The following FXN variants were observed in gnomAD, a reference collection of about 807,000 sequenced individuals.
FXN encodes frataxin, mitochondrial.
FXN carries 14 observed loss-of-function variants against 22.4 expected under a neutral mutation model. That is an observed-to-expected ratio of 0.62 (90% CI 0.41 to 0.98). The LOEUF (loss-of-function observed/expected upper bound fraction) is 0.98. FXN is among the 50% of genes least tolerant of loss of function. FXN has a pLI of 0.00. For missense variants in FXN, 267 were observed against 268.4 expected (o/e 0.99, Z 0.04); for synonymous variants, 120 against 114.1 (o/e 1.05, Z -0.33).
chr9:69,060,979 TG>T (rs1329773081), intron 3 of FXN, among the ~76,000 whole-genome samples: 1 of 152,032 alleles, frequency 6.6e-6, no homozygotes, highest in Non-Finnish European at 1.5e-5. Flanking sequence ...CACGAGGCAA[TG>T]GGACCCACAG....
chr9:69,072,986 G>T lies in FXN; in HGVS notation c.*224G>T. 1 of 1,429,986 alleles carries T rather than the reference G, an allele frequency of 7.0e-7. No individual in the cohort carries two copies. Among genetic ancestry groups the T allele is most frequent in the Non-Finnish European group, 9.1e-7 (1 of 1,099,578 alleles). The allele number at this position is 1,429,986 out of a possible 1,614,324, so 88.6% of individuals were successfully genotyped here. ...TCTATGGAAGATTTTTTGGATTGTC[G>T]GATTTCCTCCCTCACATGATACCCC... On this transcript the variant is annotated 3_prime_UTR_variant, in exon 5 of 5. Transcript: ENST00000484259.
Position 69,072,714 on chromosome 9 carries a change from A to T in FXN, c.585A>T (p.Lys195Asn). 6.2e-7 allele frequency: 1 copy of T among 1,614,166 alleles called. No homozygotes were observed. Among genetic ancestry groups the T allele is most frequent in the Non-Finnish European group, 8.5e-7 (1 of 1,180,020 alleles). Residue 195 changes from lysine (K) to asparagine (N), a missense_variant, in exon 5 of 5, where the codon AAA becomes AAT. Lys to Asn is a moderately conservative substitution (Grantham distance 94, BLOSUM62 0). Coordinates refer to ENST00000484259, the MANE Select transcript of FXN (RefSeq NM_000144.5). ...LLAAELTKAL[K>N]TKLDLSSLAY... ...CCGCAGAGCTCACTAAAGCCTTAAAAACCAAACTGGACTTGTCTTCCTTGG... is the reference window on the plus strand; with the variant it reads ...CCGCAGAGCTCACTAAAGCCTTAAATACCAAACTGGACTTGTCTTCCTTGG...
At chr9:69,057,371 G>C (rs1337740903) in intron 3 of FXN, among the ~76,000 whole-genome samples, 3 of 152,156 alleles carry the variant, frequency 2.0e-5, no homozygotes, top group Non-Finnish European at 4.4e-5. Context: ...CCCTGAGATT[G>C]TCTCTCTGAA....
intron 4 of FXN, 128 bp downstream of exon 4, chr9:69,065,163 G>C (rs1235211478): frequency 1.4e-6 from 1 of 732,562 alleles, no homozygotes; most frequent in African/African-American, 1.7e-5. Context: ...CACTTTGAGA[G>C]GCTGAGGTAG....
At chr9:69,058,801 C>A (rs375095858) in intron 3 of FXN, among the ~76,000 whole-genome samples, 2 of 152,020 alleles carry the variant, frequency 1.3e-5, no homozygotes, top group African/African-American at 2.4e-5. Context: ...TGGTGCGGTG[C>A]CTCACGCCTG....
chr9:69,068,939 G>A (rs1832222301), intron 4 of FXN, among the ~76,000 whole-genome samples: 1 of 152,228 alleles, frequency 6.6e-6, no homozygotes, highest in Non-Finnish European at 1.5e-5. Context: ...AGTGCGTCCT[G>A]CATGCTTCAC....
chr9:69,053,504 G>A (rs924251879), intron 3 of FXN, among the ~76,000 whole-genome samples: 1 of 150,736 alleles, frequency 6.6e-6, no homozygotes, highest in Non-Finnish European at 1.5e-5. Flanking sequence ...TGGATGGATG[G>A]ATGGATAGAT....
intron 4 of FXN, among the ~76,000 whole-genome samples, chr9:69,065,806 C>T (rs188329483): frequency 8.5e-4 from 130 of 152,208 alleles, no homozygotes; most frequent in African/African-American, 3.0e-3. Flanking sequence ...GACCTTGTAG[C>T]GTTTGAACAA....
In FXN at chr9:69,076,473, C is replaced by G; in HGVS notation, c.*3711C>G. 1.0e-6 allele frequency: 1 copy of G among 985,388 alleles called. No homozygotes were observed. The highest frequency in any genetic ancestry group is 1.2e-6 in the Non-Finnish European group (1 of 829,896). 61.0% of individuals were successfully genotyped at this position (985,388 alleles called of 1,614,324 possible). On this transcript the variant is annotated 3_prime_UTR_variant, in exon 5 of 5. Transcript: ENST00000484259. ...ATTCTGATTCCCTGGAACCATTTAT[C>G]GTGTGCCTTACCATGCTTATATTTT... is the stretch of plus-strand genomic sequence containing the variant.
At chr9:69,045,081 T>G (rs1196459911) in intron 1 of FXN, among the ~76,000 whole-genome samples, 1 of 152,080 alleles carries the variant, frequency 6.6e-6, no homozygotes, top group African/African-American at 2.4e-5. Context: ...GTGATGGAAA[T>G]GCTGTGTCTG....
chr9:69,037,029 T>G (rs1181539053), intron 1 of FXN, among the ~76,000 whole-genome samples: 1 of 152,140 alleles, frequency 6.6e-6, no homozygotes, highest in Non-Finnish European at 1.5e-5. Context: ...CTCCGGAGTT[T>G]GTACTTTAGG....
At chr9:69,062,852 A>G (rs1450292042) in intron 3 of FXN, among the ~76,000 whole-genome samples, 4 of 151,730 alleles carry the variant, frequency 2.6e-5, no homozygotes, top group Admixed American at 6.6e-5. Flanking sequence ...CATGGTTAAT[A>G]TGGTAAATTT....
chr9:69,049,458 G>A (rs144062674), intron 2 of FXN, among the ~76,000 whole-genome samples: 105 of 152,194 alleles, frequency 6.9e-4, no homozygotes, highest in African/African-American at 2.3e-3. Context: ...GGGGAAGAGG[G>A]TCATATGGCA....
intron 3 of FXN, among the ~76,000 whole-genome samples, chr9:69,062,094 A>C (rs1315961272): frequency 6.6e-6 from 1 of 152,192 alleles, no homozygotes; most frequent in East Asian, 1.9e-4. Context: ...AAACTCCTGA[A>C]TTATACAGTT....
intron 4 of FXN, among the ~76,000 whole-genome samples, chr9:69,067,721 A>G (rs950106439): frequency 6.6e-6 from 1 of 152,190 alleles, no homozygotes; most frequent in Non-Finnish European, 1.5e-5. Context: ...CTGGCAAGAT[A>G]CCACCCTCAT....
chr9:69,064,962 G>C lies in FXN; in HGVS notation c.409G>C (p.Gly137Arg). 6.2e-7 allele frequency: 1 copy of C among 1,613,728 alleles called. No individual in the cohort carries two copies. Among genetic ancestry groups the C allele is most frequent in the Non-Finnish European group, 8.5e-7 (1 of 1,179,722 alleles). ...GAGTGGTGTCTTAACTGTCAAACTGGGTGGAGATCTAGGAACCTATGTGAT... is the reference window on the plus strand; with the variant it reads ...GAGTGGTGTCTTAACTGTCAAACTGCGTGGAGATCTAGGAACCTATGTGAT... Reference protein sequence around the residue: ...FGSGVLTVKLGGDLGTYVINK... With the variant: ...FGSGVLTVKLRGDLGTYVINK... Residue 137 changes from glycine (G) to arginine (R), a missense_variant, in exon 4 of 5, where the codon GGT becomes CGT. Physicochemically the swap from Gly to Arg is moderately radical, Grantham distance 125. Coordinates refer to ENST00000484259, the MANE Select transcript of FXN (RefSeq NM_000144.5).
chr9:69,074,674 A>C lies in FXN; in HGVS notation c.*1912A>C. On this transcript the variant is annotated 3_prime_UTR_variant, in exon 5 of 5. Coordinates refer to ENST00000484259, the MANE Select transcript of FXN (RefSeq NM_000144.5). Reference sequence around the variant, plus strand: ...CAGCTGCACAGGAGGCTGAGACAGGAGGATTGCTTGAAGCCAGGAATTGGA... The same window carrying C: ...CAGCTGCACAGGAGGCTGAGACAGGCGGATTGCTTGAAGCCAGGAATTGGA... The C allele has an allele frequency of 1.0e-6, 1 of 981,234 alleles. No individual in the cohort carries two copies. The highest frequency in any genetic ancestry group is 1.2e-6 in the Non-Finnish European group (1 of 826,146). The allele number at this position is 981,234 out of a possible 1,614,324, so 60.8% of individuals were successfully genotyped here.
intron 1 of FXN, among the ~76,000 whole-genome samples, chr9:69,044,593 T>A (rs1473770257): frequency 6.6e-6 from 1 of 152,182 alleles, no homozygotes; most frequent in Non-Finnish European, 1.5e-5. Context: ...CACCAATCTC[T>A]TAAAGCCCTT....
chr9:69,078,754 T>TG lies in FXN; in HGVS notation c.*5998dup. On this transcript the variant is annotated 3_prime_UTR_variant, in exon 5 of 5. Coordinates refer to ENST00000484259, the MANE Select transcript of FXN (RefSeq NM_000144.5). The stretch of plus-strand genomic sequence containing the variant: ...GGTCTTTATTCCCCACATCTCTGCC[T>TG]GGGGGGTAGATTCTACCCTGAAAAA... 29 of 985,598 alleles carry TG rather than the reference T, an allele frequency of 2.9e-5. No homozygotes were observed. Among genetic ancestry groups the TG allele is most frequent in the Non-Finnish European group, 3.5e-5 (29 of 830,008 alleles). 61.1% of individuals were successfully genotyped at this position (985,598 alleles called of 1,614,324 possible).
Sources: gnomAD v4.1 joint callset for allele counts (sites outside exome capture counted in the v4.1 genomes callset) on GRCh38, gnomAD v4.1.1 for gene constraint, MANE v1.5 for transcripts, NCBI Gene and HGNC (gene_info 2026-07-23, HGNC 2026-07-21) for gene names.